OLFM3: variants seen among roughly 807,000 people sequenced by gnomAD.
OLFM3 encodes the protein noelin-3.
In OLFM3, 20 loss-of-function variants were observed where a neutral mutation model predicts 48.6. The observed-to-expected ratio is 0.41, with a 90% confidence interval of 0.29 to 0.60. The LOEUF (loss-of-function observed/expected upper bound fraction) is 0.60. Ranked by LOEUF, OLFM3 falls within the 20% of genes least tolerant of loss-of-function variation. The probability of loss-of-function intolerance (pLI) is 0.28; values close to 1 mark genes in which losing one functional copy is unlikely to be tolerated. For synonymous variants in OLFM3, 222 were observed against 198.1 expected (o/e 1.12, Z -1.01); for missense variants, 437 against 544.3 (o/e 0.80, Z 1.96).
At chr1:101,832,831 C>T (rs561995168) in intron 2 of OLFM3, among the ~76,000 whole-genome samples, 8 of 152,144 alleles carry the variant, frequency 5.3e-5, no homozygotes, top group East Asian at 3.9e-4. Flanking sequence ...TTTAATATTC[C>T]GAAAGCTTTA....
chr1:101,958,930 T>C (rs1023590094), intron 1 of OLFM3, among the ~76,000 whole-genome samples: 1 of 151,710 alleles, frequency 6.6e-6, no homozygotes, highest in African/African-American at 2.4e-5. Context: ...AAATCTAGTT[T>C]CTTAGCAATT....
intron 4 of OLFM3, among the ~76,000 whole-genome samples, chr1:101,817,792 A>G (rs1570513748): frequency 6.6e-6 from 1 of 152,200 alleles, no homozygotes; most frequent in East Asian, 1.9e-4. Context: ...ATTAAGAAAT[A>G]CTTCTGATTT....
intron 1 of OLFM3, among the ~76,000 whole-genome samples, chr1:101,914,103 T>C (rs1316696583): frequency 2.0e-5 from 3 of 152,152 alleles, no homozygotes; most frequent in East Asian, 3.8e-4. Flanking sequence ...CCTTTTCAGG[T>C]ATGGGGACAT....
At chr1:101,891,548 C>A (rs11800637) in intron 1 of OLFM3, among the ~76,000 whole-genome samples, 11,938 of 151,814 alleles carry the variant, frequency 0.079, 595 homozygotes, top group East Asian at 0.22. Flanking sequence ...AAAATTTGGA[C>A]CATCCTCTCA....
At chr1:101,874,490 T>TATAATAATAATA (rs71310157) in intron 1 of OLFM3, among the ~76,000 whole-genome samples, 1 of 149,746 alleles carries the variant, frequency 6.7e-6, no homozygotes, top group Non-Finnish European at 1.5e-5. Flanking sequence ...ATTCTAATAA[T>TATAATAATAATA]ATAATAATAA....
chr1:101,929,193 G>A (rs1659369344), intron 1 of OLFM3, among the ~76,000 whole-genome samples: 1 of 152,112 alleles, frequency 6.6e-6, no homozygotes, highest in Non-Finnish European at 1.5e-5. Context: ...TTCTGGCACT[G>A]TAAAATGTCA....
chr1:101,996,540 C>T (rs910528298), intron 1 of OLFM3, among the ~76,000 whole-genome samples: 1 of 152,126 alleles, frequency 6.6e-6, no homozygotes, highest in African/African-American at 2.4e-5. Context: ...CCTAGTCCCT[C>T]CCCCCGCGCA....
chr1:101,841,085 G>T (rs986582310), intron 1 of OLFM3, among the ~76,000 whole-genome samples: 1 of 152,266 alleles, frequency 6.6e-6, no homozygotes, highest in Admixed American at 6.5e-5. Context: ...TAATTACAAA[G>T]CTGTGCTTTA....
chr1:101,818,665 T>C (rs994356422), intron 4 of OLFM3, among the ~76,000 whole-genome samples: 2 of 152,110 alleles, frequency 1.3e-5, no homozygotes, highest in African/African-American at 4.8e-5. Context: ...TAAAACAAAG[T>C]ATCAGATGTT....
chr1:101,869,058 T>C lies in OLFM3; in HGVS notation c.70-32033A>G, dbSNP rs191709515. Among the ~76,000 whole-genome samples the C allele has an allele frequency of 2.3e-3, 352 of 152,286 alleles. 3 individuals carry two copies. The highest frequency in any genetic ancestry group is 8.4e-3 in the African/African-American group (348 of 41,568). ...TCATGGGGAAACACTGCTGGGACAC[T>C]GTGGAAGGAAAATGTGGGGTCAGAG... On this transcript the variant is annotated intron_variant, in intron 1 of 5. Transcript: ENST00000370103.
chr1:101,837,057 G>A, intron 1 of OLFM3, 32 bp from the exon 2 acceptor site: 1 of 1,598,652 alleles, frequency 6.3e-7, no homozygotes, highest in Non-Finnish European at 8.5e-7. Context: ...ATAAAACACA[G>A]ACTCCTGTTA....
intron 2 of OLFM3, among the ~76,000 whole-genome samples, chr1:101,835,094 C>G (rs758264016): frequency 6.6e-6 from 1 of 151,906 alleles, no homozygotes; most frequent in Admixed American, 6.6e-5. Context: ...AGTATGGTGT[C>G]TAAGAAAATC....
At chr1:101,898,544 C>A (rs1308178422) in intron 1 of OLFM3, among the ~76,000 whole-genome samples, 1 of 152,010 alleles carries the variant, frequency 6.6e-6, no homozygotes, top group Non-Finnish European at 1.5e-5. Flanking sequence ...ATGCATTTCC[C>A]ATAAAATAAA....
At chr1:101,870,091 C>T (rs1657017233) in intron 1 of OLFM3, among the ~76,000 whole-genome samples, 1 of 152,106 alleles carries the variant, frequency 6.6e-6, no homozygotes, top group South Asian at 2.1e-4. Context: ...ACAATATTAA[C>T]ATTCCCATCA....
intron 1 of OLFM3, among the ~76,000 whole-genome samples, chr1:101,888,749 C>T (rs1303125367): frequency 6.6e-6 from 1 of 152,110 alleles, no homozygotes; most frequent in East Asian, 1.9e-4. Flanking sequence ...GCAATCTACC[C>T]ATCTGACAAA....
At chr1:101,933,126 C>T (rs1265358463) in intron 1 of OLFM3, among the ~76,000 whole-genome samples, 15 of 141,738 alleles carry the variant, frequency 1.1e-4, no homozygotes, top group Middle Eastern at 3.6e-3. Flanking sequence ...GGCATGAACC[C>T]GGGAGGCGGA....
At chr1:101,834,149 G>T (rs1468188867) in intron 2 of OLFM3, among the ~76,000 whole-genome samples, 1 of 152,126 alleles carries the variant, frequency 6.6e-6, no homozygotes, top group Non-Finnish European at 1.5e-5. Flanking sequence ...ACTTAAATAA[G>T]TATGGATATA....
intron 1 of OLFM3, among the ~76,000 whole-genome samples, chr1:101,951,993 T>C (rs1660155880): frequency 6.6e-6 from 1 of 151,906 alleles, no homozygotes; most frequent in Non-Finnish European, 1.5e-5. Flanking sequence ...GTTTTTCAGA[T>C]GATCTGAAAA....
intron 1 of OLFM3, among the ~76,000 whole-genome samples, chr1:101,864,423 A>AT (rs1163252732): frequency 3.3e-5 from 5 of 152,126 alleles, no homozygotes; most frequent in South Asian, 2.1e-4. Context: ...CCTTACATCC[A>AT]TTTTTGTCAA....
Sources: gnomAD v4.1 joint callset for allele counts (sites outside exome capture counted in the v4.1 genomes callset) on GRCh38, gnomAD v4.1.1 for gene constraint, MANE v1.5 for transcripts, NCBI Gene and HGNC (gene_info 2026-07-23, HGNC 2026-07-21) for gene names.